Variants in TMA16 observed in about 807,000 individuals in gnomAD.
TMA16 encodes translation machinery associated 16 homolog, also known as translation machinery-associated protein 16.
In TMA16, 26 loss-of-function variants were observed where a neutral mutation model predicts 27.1. The ratio of observed to expected loss-of-function variants is 0.96; its 90% CI spans 0.70 to 1.33. The LOEUF is 1.33. Ranked by LOEUF, TMA16 falls within the 40% of genes most tolerant of loss-of-function variation. The pLI is 0.00. For missense variants in TMA16, 233 were observed against 241.4 expected (o/e 0.97, Z 0.23); for synonymous variants, 71 against 81.9 (o/e 0.87, Z 0.72).
chr4:163,520,293 T>C lies in TMA16; in HGVS notation c.*779T>C. Reference sequence around the variant, plus strand: ...TTCTAAGAGATAAATTGATATATCATTCAGTGTCATGAAAAACATGAATGT... The same window carrying C: ...TTCTAAGAGATAAATTGATATATCACTCAGTGTCATGAAAAACATGAATGT... On this transcript the variant is annotated 3_prime_UTR_variant, in exon 7 of 7. Coordinates refer to ENST00000358572, the MANE Select transcript of TMA16 (RefSeq NM_018352.3). The C allele has an allele frequency of 5.2e-6, 1 of 192,748 alleles. No individual in the cohort carries two copies. Among genetic ancestry groups the C allele is most frequent in the East Asian group, 1.4e-4 (1 of 6,982 alleles). The allele number at this position is 192,748 out of a possible 1,614,324, so 11.9% of individuals were successfully genotyped here.
In TMA16 at chr4:163,512,858, T is replaced by C; in HGVS notation, c.153T>C (p.Val51=). The C allele has an allele frequency of 6.2e-7, 1 of 1,606,982 alleles. No individual in the cohort carries two copies. The highest frequency in any genetic ancestry group is 8.5e-7 in the Non-Finnish European group (1 of 1,175,280). ...AAAAGGCCTTGCGTCTCAACCTTGT[T>C]GGTAAGTGGGTTTACTTATTTGAAA... ...KNEKALRLNL[V]GEKLQWFQNH... is the part of the protein sequence containing the mutation. Residue 51 remains valine, a splice_region_variant and synonymous_variant, in exon 3 of 7, where the codon GTT becomes GTC. Transcript: ENST00000358572.
chr4:163,500,101 T>C (rs945249164), intron 1 of TMA16, among the ~76,000 whole-genome samples: 4 of 152,106 alleles, frequency 2.6e-5, no homozygotes, highest in Non-Finnish European at 5.9e-5. Flanking sequence ...CTAAATCTAA[T>C]CCAAAAGTAC....
chr4:163,499,931 A>C (rs1737622254), intron 1 of TMA16, among the ~76,000 whole-genome samples: 1 of 152,054 alleles, frequency 6.6e-6, no homozygotes, highest in Admixed American at 6.6e-5. Context: ...AGCCTTTGTG[A>C]CCTAAAGGAT....
rs1737955227 is a variant in TMA16, at chr4:163,520,460, C to G, written c.*946C>G. On this transcript the variant is annotated 3_prime_UTR_variant, in exon 7 of 7. Transcript: ENST00000358572. ...CAGTATTAGGTTAACTGGATATCAA[C>G]TAAGCCTTGTTAACAGTTAAAGTAT... 1 of 151,658 alleles carries G rather than the reference C, an allele frequency of 6.6e-6. No homozygotes were observed. The highest frequency in any genetic ancestry group is 2.4e-5 in the African/African-American group (1 of 41,256). 9.4% of individuals were successfully genotyped at this position (151,658 alleles called of 1,614,324 possible). A position where few individuals can be genotyped will look rare whatever the true frequency, so the allele number is the denominator to read the frequency against.
At chr4:163,495,345 A>G (rs1023724946) in intron 1 of TMA16, among the ~76,000 whole-genome samples, 7 of 152,240 alleles carry the variant, frequency 4.6e-5, no homozygotes, top group Admixed American at 6.5e-5. Context: ...ACTAAAGCAC[A>G]TTTCAAGTGT....
chr4:163,503,826 A>G (rs1246184355), intron 1 of TMA16, among the ~76,000 whole-genome samples: 1 of 152,206 alleles, frequency 6.6e-6, no homozygotes, highest in Non-Finnish European at 1.5e-5. Flanking sequence ...GAAAAATATG[A>G]AAGTTTTAAA....
At chr4:163,517,610 C>A in intron 6 of TMA16, 134 bp downstream of exon 6, 2 of 738,228 alleles carry the variant, frequency 2.7e-6, no homozygotes, top group South Asian at 2.1e-5. Context: ...TTTTATCTGA[C>A]CAAGTAAGAA....
chr4:163,517,460 A>T lies in TMA16; in HGVS notation c.415A>T (p.Asn139Tyr), dbSNP rs1383826666. The T allele has an allele frequency of 6.2e-7, 1 of 1,613,606 alleles. No homozygotes were observed. Among genetic ancestry groups the T allele is most frequent in the Non-Finnish European group, 8.5e-7 (1 of 1,179,776 alleles). ...GATTCCAGACATTCTAAATGCAAGT[A>T]ATCTGAAAACATTTAGGTGAGTCTG... ...LEIPDILNAS[N>Y]LKTFREWDFD... is the part of the protein sequence containing the mutation. The change falls in exon 6 of 7, where the codon AAT (asparagine) becomes TAT (tyrosine). Residue 139 changes from asparagine to tyrosine, a missense_variant. Physicochemically the swap from Asn to Tyr is moderately radical, Grantham distance 143. Coordinates refer to ENST00000358572, the MANE Select transcript of TMA16 (RefSeq NM_018352.3).
chr4:163,497,497 C>T (rs1363020719), intron 1 of TMA16, among the ~76,000 whole-genome samples: 1 of 152,166 alleles, frequency 6.6e-6, no homozygotes, highest in African/African-American at 2.4e-5. Context: ...TGAGTCTTAA[C>T]TGAGATAAAA....
intron 1 of TMA16, among the ~76,000 whole-genome samples, chr4:163,497,493 T>C (rs1737575220): frequency 6.6e-6 from 1 of 152,220 alleles, no homozygotes; most frequent in African/African-American, 2.4e-5. Context: ...AAAATGAGTC[T>C]TAACTGAGAT....
chr4:163,503,728 A>T (rs1017821084), intron 1 of TMA16, among the ~76,000 whole-genome samples: 1 of 152,206 alleles, frequency 6.6e-6, no homozygotes, highest in Non-Finnish European at 1.5e-5. Flanking sequence ...AGGCATAGAT[A>T]TTCAAAATGG....
In TMA16 at chr4:163,517,384, T is replaced by C. The variant is rs555288521; in HGVS notation, c.389-50T>C. 139 of 1,493,064 alleles carry C rather than the reference T, an allele frequency of 9.3e-5. No individual in the cohort carries two copies. In the South Asian group the frequency reaches 1.5e-3, roughly 16 times the overall value. The allele number at this position is 1,493,064 out of a possible 1,614,324, so 92.5% of individuals were successfully genotyped here. On this transcript the variant is annotated intron_variant, in intron 5 of 6. Transcript: ENST00000358572. ...TTATTATTTGTTGTACATAAAATTA[T>C]GTGATTTAGAAAACATTGCCTCATG...
intron 1 of TMA16, among the ~76,000 whole-genome samples, chr4:163,496,708 C>T (rs1266370714): frequency 6.6e-6 from 1 of 152,120 alleles, no homozygotes; most frequent in African/African-American, 2.4e-5. Context: ...AGTGATTCTC[C>T]TGCCTCAGCC....
intron 6 of TMA16, among the ~76,000 whole-genome samples, chr4:163,517,911 G>T (rs1173281645): frequency 1.3e-5 from 2 of 151,880 alleles, no homozygotes; most frequent in African/African-American, 4.8e-5. Flanking sequence ...TTGTCCAGTG[G>T]TTTCTAGTTG....
intron 6 of TMA16, 116 bp downstream of exon 6, chr4:163,517,592 C>G (rs563997362): frequency 2.1e-6 from 2 of 965,480 alleles, no homozygotes; most frequent in African/African-American, 1.7e-5. Context: ...TTCTTTTAAC[C>G]TTTTCTTTTT....
intron 1 of TMA16, among the ~76,000 whole-genome samples, chr4:163,502,462 A>G (rs976047586): frequency 1.3e-5 from 2 of 152,190 alleles, no homozygotes; most frequent in African/African-American, 4.8e-5. Flanking sequence ...GCAGTCTCAA[A>G]TGAGCTGCTA....
At chr4:163,498,528 C>A (rs1326068215) in intron 1 of TMA16, among the ~76,000 whole-genome samples, 1 of 152,144 alleles carries the variant, frequency 6.6e-6, no homozygotes, top group African/African-American at 2.4e-5. Context: ...ACCTCATGAT[C>A]TGCCCGCCTC....
At chr4:163,517,642 A>G (rs1481081555) in intron 6 of TMA16, 166 bp downstream of exon 6, 1 of 188,176 alleles carries the variant, frequency 5.3e-6, no homozygotes, top group East Asian at 7.5e-5. Context: ...TGGGCGTACA[A>G]ACAGTTGATC....
chr4:163,494,971 A>C, intron 1 of TMA16, 167 bp downstream of exon 1: 1 of 984,932 alleles, frequency 1.0e-6, no homozygotes, highest in Non-Finnish European at 1.5e-6. Flanking sequence ...CTGGGAGGCG[A>C]GTCCCAGGCC....
Sources: allele counts gnomAD v4.1 joint callset (sites outside exome capture counted in the v4.1 genomes callset), GRCh38; gene constraint gnomAD v4.1.1; transcripts MANE v1.5; gene names NCBI Gene and HGNC (gene_info 2026-07-23, HGNC 2026-07-21).